CCDC110: variants seen among roughly 807,000 people sequenced by gnomAD.
The protein encoded by CCDC110 is coiled-coil domain containing 110, also known as coiled-coil domain-containing protein 110.
In CCDC110, 70 loss-of-function variants were observed where a neutral mutation model predicts 77.1. The ratio of observed to expected loss-of-function variants is 0.91; its 90% confidence interval spans 0.75 to 1.11. The LOEUF (loss-of-function observed/expected upper bound fraction) is 1.11. CCDC110 is among the 50% of genes least tolerant of loss of function. The probability of loss-of-function intolerance (pLI) is 0.00; values close to 1 mark genes in which losing one functional copy is unlikely to be tolerated. For synonymous variants in CCDC110, 295 were observed against 312.5 expected, an observed-to-expected ratio of 0.94 and a Z score of 0.59; for missense variants, 868 against 942.9, an observed-to-expected ratio of 0.92 and a Z score of 1.04.
At chr4:185,467,180 T>C (rs2095657801) in intron 2 of CCDC110, among the ~76,000 whole-genome samples, 1 of 152,230 alleles carries the variant, frequency 6.6e-6, no homozygotes, top group South Asian at 2.1e-4. Flanking sequence ...AGAGTGCATT[T>C]TAGATTCATG....
intron 6 of CCDC110, among the ~76,000 whole-genome samples, chr4:185,447,263 G>T (rs2095615383): frequency 6.6e-6 from 1 of 151,420 alleles, no homozygotes; most frequent in Non-Finnish European, 1.5e-5. Flanking sequence ...CTCACTGCAA[G>T]CTCCACCTGC....
rs187479272 is a variant in CCDC110, at chr4:185,450,277, G to C, written c.2462-4735C>G. Among the ~76,000 whole-genome samples the C allele has an allele frequency of 2.9e-3, 436 of 152,272 alleles. 2 individuals are homozygous for C. Among genetic ancestry groups the C allele is most frequent in the Middle Eastern group, 0.01 (3 of 294 alleles). On this transcript the variant is annotated intron_variant, in intron 6 of 6. Transcript: ENST00000307588. ...GTTGAGGGGAATGTACTTGTTAGTT[G>C]AGTATCTTATAAAAATTCTGAAGTT...
chr4:185,463,870 G>A (rs1342039028), intron 2 of CCDC110, among the ~76,000 whole-genome samples: 1 of 152,182 alleles, frequency 6.6e-6, no homozygotes, highest in Non-Finnish European at 1.5e-5. Flanking sequence ...GTAAAGGGTT[G>A]TTGCATCCGG....
At chr4:185,470,740 C>T in intron 2 of CCDC110, 1 of 650,952 alleles carries the variant, frequency 1.5e-6, no homozygotes, top group Non-Finnish European at 2.8e-6. Flanking sequence ...ATCGTGGTAG[C>T]ACCCACCTCG....
intron 4 of CCDC110, 37 bp from the exon 5 acceptor site, chr4:185,461,196 T>G: frequency 9.2e-7 from 1 of 1,092,440 alleles, no homozygotes; most frequent in Non-Finnish European, 1.4e-6. Flanking sequence ...TGATTTCAGA[T>G]TTGTAAACTT....
In CCDC110 at chr4:185,445,608, A is replaced by C. The variant is rs1284201575; in HGVS notation, c.2462-66T>G. The C allele has an allele frequency of 3.9e-6, 4 of 1,029,218 alleles. No individual in the cohort carries two copies. The African/African-American group carries it at 6.6e-5, about 17-fold the overall frequency. 63.8% of individuals were successfully genotyped at this position (1,029,218 alleles called of 1,614,324 possible). A position where few individuals can be genotyped will look rare whatever the true frequency, so the allele number is the denominator to read the frequency against. ...ACATAACTATAATGCTTTGAGAAAA[A>C]GTATATTATCAAGGTATCTTAAAAC... On this transcript the variant is annotated intron_variant, in intron 6 of 6. Coordinates refer to ENST00000307588, the MANE Select transcript of CCDC110 (RefSeq NM_152775.4).
intron 1 of CCDC110, 105 bp downstream of exon 1, chr4:185,471,569 C>T (rs1245878493): frequency 3.8e-6 from 5 of 1,299,560 alleles, no homozygotes; most frequent in Non-Finnish European, 5.3e-6. Context: ...AAGGGCGGAC[C>T]CGGGATGTCC....
Position 185,459,930 on chromosome 4 carries a change from A to AC in CCDC110, c.656_657insG (p.Ile219MetfsTer4). On this transcript the variant is annotated frameshift_variant, in exon 6 of 7. Transcript: ENST00000307588. LOFTEE classifies it high-confidence loss of function. Reference sequence around the variant, plus strand: ...GCACAGTAATTTTGGATTTATCCAGAATTACTGTATCAGCTTGAGACATCA... The same window carrying AC: ...GCACAGTAATTTTGGATTTATCCAGACATTACTGTATCAGCTTGAGACATCA... 1 of 1,613,908 alleles carries AC rather than the reference A, an allele frequency of 6.2e-7. No homozygotes were observed. Among genetic ancestry groups the AC allele is most frequent in the South Asian group, 1.1e-5 (1 of 91,052 alleles).
At chr4:185,450,279 G>A (rs75313972) in intron 6 of CCDC110, among the ~76,000 whole-genome samples, 1,984 of 152,236 alleles carry the variant, frequency 0.013, 25 homozygotes, top group Non-Finnish European at 0.021. Context: ...TGTTAGTTGA[G>A]TATCTTATAA....
chr4:185,471,494 G>A (rs941464929), intron 1 of CCDC110, 180 bp downstream of exon 1: 4 of 615,124 alleles, frequency 6.5e-6, no homozygotes, highest in South Asian at 5.1e-5. Flanking sequence ...AAGCCACAGC[G>A]GACGCAGGGG....
At chr4:185,470,824 G>A in intron 2 of CCDC110, 121 bp downstream of exon 2, 8 of 776,996 alleles carry the variant, frequency 1.0e-5, no homozygotes, top group South Asian at 6.8e-5. Context: ...CGCGAGTGCC[G>A]TGGTGGCTGC....
At chr4:185,463,878 C>T (rs568173191) in intron 2 of CCDC110, among the ~76,000 whole-genome samples, 5 of 152,248 alleles carry the variant, frequency 3.3e-5, no homozygotes, top group South Asian at 2.1e-4. Context: ...TTGTTGCATC[C>T]GGTGCTTGAC....
chr4:185,458,799 T>C lies in CCDC110; in HGVS notation c.1788A>G (p.Leu596=). 1 of 1,610,546 alleles carries C rather than the reference T, an allele frequency of 6.2e-7. No individual in the cohort carries two copies. Among genetic ancestry groups the C allele is most frequent in the African/African-American group, 1.3e-5 (1 of 74,786 alleles). The change falls in exon 6 of 7, where the codon CTA becomes CTG. Residue 596 remains leucine (L), a synonymous_variant. Coordinates refer to ENST00000307588, the MANE Select transcript of CCDC110 (RefSeq NM_152775.4). ...CATTTCCAAGTGAGCTTTTTTCTTT[T>C]AGAAGCTGGTGTGTTTTTTTCTCTA... ...EMLEKKTHQL[L]KEKSSLGNEL...
chr4:185,455,640 T>G (rs796752747), intron 6 of CCDC110, among the ~76,000 whole-genome samples: 18 of 152,272 alleles, frequency 1.2e-4, no homozygotes, highest in African/African-American at 4.1e-4. Flanking sequence ...TCCCAGCACT[T>G]TGGGAGGCCG....
rs1315205881 is a variant in CCDC110 at position 185,464,085 on chromosome 4, T to TA, written c.116-1037dup. 2.0e-5 allele frequency among the ~76,000 whole-genome samples: 3 copies of TA among 152,348 alleles called. No homozygotes were observed. In the East Asian group the frequency reaches 5.8e-4, roughly 29 times the overall value. ...TCTGCATGTTAGGCTGCTTGCTTTG[T>TA]AAACTTTTTATTAAAGAGTGTATTC... On this transcript the variant is annotated intron_variant, in intron 2 of 6. Coordinates refer to ENST00000307588, the MANE Select transcript of CCDC110 (RefSeq NM_152775.4).
In CCDC110 at chr4:185,458,917, A is replaced by G. The variant is rs780496013; in HGVS notation, c.1670T>C (p.Met557Thr). ...ATTATTTTCATTATTTACAATGGCC[A>G]TATCACTTTGAGTTTTGTGTTCCTT... ...KSKEHKTQSD[M>T]AIVNNENNRM... The change falls in exon 6 of 7, where the codon ATG becomes ACG. Residue 557 changes from methionine (M) to threonine (T), a missense_variant. Physicochemically the swap from Met to Thr is moderately conservative, Grantham distance 81. Coordinates refer to ENST00000307588, the MANE Select transcript of CCDC110 (RefSeq NM_152775.4). The G allele has an allele frequency of 6.8e-6, 11 of 1,608,882 alleles. No homozygotes were observed. The highest frequency in any genetic ancestry group is 5.4e-5 in the African/African-American group (4 of 74,734).
chr4:185,457,700 T>C (rs2095638005), intron 6 of CCDC110: 2 of 1,040,264 alleles, frequency 1.9e-6, no homozygotes, highest in Non-Finnish European at 1.3e-6. Flanking sequence ...AATCACATAA[T>C]TTAAAATTAT....
At chr4:185,460,819 C>G in intron 5 of CCDC110, 1 of 434,064 alleles carries the variant, frequency 2.3e-6, no homozygotes, top group Admixed American at 3.4e-5. Context: ...CTTTCACGAT[C>G]TGGACTAAGT....
Position 185,460,074 on chromosome 4 carries a change from A to C in CCDC110, c.513T>G (p.Thr171=), listed in dbSNP as rs751005731. The stretch of plus-strand genomic sequence containing the variant: ...ATAAATTGTCTGTTGAAGTTCTCAG[A>C]GTTAATGTGTCCTCGGAATGTATCT... ...PSQIHSEDTL[T]LRTSTDNLSS... is the part of the protein sequence containing the mutation. The change falls in exon 6 of 7, where the codon ACT becomes ACG. Residue 171 remains threonine, a synonymous_variant. Transcript: ENST00000307588. 2.5e-6 allele frequency: 4 copies of C among 1,613,854 alleles called. No individual in the cohort carries two copies. The South Asian group carries it at 3.3e-5, about 13-fold the overall frequency.
Sources: allele counts gnomAD v4.1 joint callset (sites outside exome capture counted in the v4.1 genomes callset), GRCh38; gene constraint gnomAD v4.1.1; transcripts MANE v1.5; gene names NCBI Gene and HGNC (gene_info 2026-07-23, HGNC 2026-07-21).